The following LSP1 variants were observed in gnomAD, a reference collection of about 807,000 sequenced individuals.
LSP1 encodes the protein lymphocyte-specific protein 1.
Under a neutral mutation model 49.3 loss-of-function variants are expected in LSP1, and 32 were observed. The observed-to-expected ratio is 0.65, with a 90% CI of 0.49 to 0.87. LSP1 has a LOEUF of 0.87. LSP1 is among the 40% of genes least tolerant of loss of function. The pLI, the probability that LSP1 is intolerant of heterozygous loss-of-function variation, is 0.00. For missense variants in LSP1, 428 were observed against 442.6 expected (o/e 0.97, Z 0.30); for synonymous variants, 179 against 178.8 (o/e 1.00, Z -0.01).
intron 1 of LSP1, chr11:1,866,600 C>A: frequency 6.5e-7 from 1 of 1,550,024 alleles, no homozygotes; most frequent in South Asian, 1.2e-5. Flanking sequence ...TACCCCTGGC[C>A]CCCCATAAGC....
intron 1 of LSP1, chr11:1,868,622 G>T: frequency 1.0e-6 from 1 of 981,196 alleles, no homozygotes; most frequent in Middle Eastern, 5.2e-4. Context: ...TGGCTGCCTT[G>T]GGCCCATCCA....
At chr11:1,866,629 C>T in intron 1 of LSP1, 2 of 1,550,496 alleles carry the variant, frequency 1.3e-6, no homozygotes, top group Non-Finnish European at 1.7e-6. Context: ...CCTGGGCTTC[C>T]AGGCTCTGCT....
intron 1 of LSP1, among the ~76,000 whole-genome samples, chr11:1,879,439 G>T (rs545745765): frequency 6.6e-6 from 1 of 152,218 alleles, no homozygotes; most frequent in Non-Finnish European, 1.5e-5. Context: ...CCTGTAAGGT[G>T]CCCCCAGCTA....
chr11:1,882,522 C>A (rs184926673), intron 3 of LSP1, among the ~76,000 whole-genome samples: 5 of 152,288 alleles, frequency 3.3e-5, no homozygotes, highest in Admixed American at 6.5e-5. Flanking sequence ...CAGTCTCCCC[C>A]CTACGTGCTT....
chr11:1,883,731 G>C (rs1419686929), intron 4 of LSP1, among the ~76,000 whole-genome samples, 171 bp downstream of exon 4: 1 of 152,162 alleles, frequency 6.6e-6, no homozygotes, highest in Non-Finnish European at 1.5e-5. Context: ...AGAGGGCAAG[G>C]CTCAGTGATC....
At chr11:1,891,738 C>G (rs1849009498) in intron 10 of LSP1, 35 bp from the exon 11 acceptor site, 1 of 152,612 alleles carries the variant, frequency 6.6e-6, no homozygotes, top group Non-Finnish European at 1.5e-5. Flanking sequence ...TGGACCCTAG[C>G]CTAATGCCCC....
chr11:1,876,922 G>A (rs866703035), intron 1 of LSP1, among the ~76,000 whole-genome samples: 1 of 152,202 alleles, frequency 6.6e-6, no homozygotes, highest in African/African-American at 2.4e-5. Flanking sequence ...GGGTGCGGGG[G>A]TGTGCTGGGG....
chr11:1,885,061 C>A (rs72843959), intron 7 of LSP1, among the ~76,000 whole-genome samples: 10 of 151,788 alleles, frequency 6.6e-5, no homozygotes. Flanking sequence ...CCAATCAGTG[C>A]CCCTCCATCC....
At chr11:1,861,037 G>A (rs891564094) in intron 1 of LSP1, among the ~76,000 whole-genome samples, 9 of 152,204 alleles carry the variant, frequency 5.9e-5, no homozygotes, top group Non-Finnish European at 2.9e-5. Context: ...AATTGAATCC[G>A]TGCTGAGTAA....
chr11:1,867,061 G>T (rs562505391), intron 1 of LSP1: 12 of 796,172 alleles, frequency 1.5e-5, no homozygotes, highest in Non-Finnish European at 2.3e-5. Flanking sequence ...CTGAAGCCGC[G>T]TGGGCTCAGG....
chr11:1,891,042 G>A (rs1848979322), intron 10 of LSP1: 1 of 161,610 alleles, frequency 6.2e-6, no homozygotes, highest in African/African-American at 2.4e-5. Flanking sequence ...AGACACGTGA[G>A]GGGCGCCCTG....
At chr11:1,866,177 A>G (rs530719998) in intron 1 of LSP1, among the ~76,000 whole-genome samples, 1 of 152,022 alleles carries the variant, frequency 6.6e-6, no homozygotes, top group Non-Finnish European at 1.5e-5. Context: ...AAACTGAAAC[A>G]CCACCTCCTG....
At chr11:1,878,734 G>C (rs1446618797) in intron 1 of LSP1, among the ~76,000 whole-genome samples, 1 of 152,152 alleles carries the variant, frequency 6.6e-6, no homozygotes, top group South Asian at 2.1e-4. Flanking sequence ...CCAGTGGGGA[G>C]ACCCCAGCCC....
At chr11:1,877,563 C>T (rs943115953) in intron 1 of LSP1, among the ~76,000 whole-genome samples, 9 of 152,190 alleles carry the variant, frequency 5.9e-5, no homozygotes, top group African/African-American at 9.7e-5. Context: ...CCGCCGTTGT[C>T]GGGGCAATGG....
chr11:1,869,781 C>T (rs1158043548), intron 1 of LSP1: 1 of 425,474 alleles, frequency 2.4e-6, no homozygotes, highest in Non-Finnish European at 4.7e-6. Flanking sequence ...AAATGGGGCG[C>T]CCCACAGAGG....
chr11:1,870,471 G>T (rs1427397674), intron 1 of LSP1: 2 of 1,197,650 alleles, frequency 1.7e-6, no homozygotes, highest in South Asian at 1.6e-5. Context: ...GAAAGCTTCG[G>T]GGAGGGGCCG....
At chr11:1,866,865 G>A (rs774759615) in intron 1 of LSP1, 10 of 1,541,682 alleles carry the variant, frequency 6.5e-6, no homozygotes, top group Middle Eastern at 1.7e-4. Flanking sequence ...CCAGGGGCTC[G>A]GCCATGAGCA....
At position 1,888,996 on chromosome 11, in the gene LSP1, C is replaced by T. The variant is rs369774440; in HGVS notation, c.*13+1420C>T. On this transcript the variant is annotated intron_variant, in intron 10 of 10. Coordinates refer to ENST00000311604, the MANE Select transcript of LSP1 (RefSeq NM_002339.3). ...TAACCATGCAGACTTCCCTCAGCAC[C>T]CCATGTGCCCTTCCCAGGCTGCCCT... is the stretch of plus-strand genomic sequence containing the variant. The T allele has an allele frequency of 1.3e-3, 690 of 548,272 alleles. 14 individuals carry two copies. The South Asian group carries it at 0.016, about 13-fold the overall frequency. 34.0% of individuals were successfully genotyped at this position (548,272 alleles called of 1,614,324 possible). A position where few individuals can be genotyped will look rare whatever the true frequency, so the allele number is the denominator to read the frequency against.
chr11:1,887,439 C>A, intron 9 of LSP1, 35 bp from the exon 10 acceptor site: 1 of 1,598,376 alleles, frequency 6.3e-7, no homozygotes, highest in African/African-American at 1.3e-5. Context: ...CTTTCTGCTG[C>A]TCTCACCTTC....
Sources: allele counts gnomAD v4.1 joint callset (sites outside exome capture counted in the v4.1 genomes callset), GRCh38; gene constraint gnomAD v4.1.1; transcripts MANE v1.5; gene names NCBI Gene and HGNC (gene_info 2026-07-23, HGNC 2026-07-21).